Variants in SLC14A2 observed in about 807,000 individuals in gnomAD.
SLC14A2 encodes solute carrier family 14 member 2.
In SLC14A2, 91 loss-of-function variants were observed where a neutral mutation model predicts 104.6. The observed-to-expected ratio is 0.87, with a 90% CI of 0.73 to 1.04. The LOEUF (loss-of-function observed/expected upper bound fraction) is 1.04. SLC14A2 is among the 50% of genes least tolerant of loss of function. The probability of loss-of-function intolerance (pLI) is 0.00; values close to 1 mark genes in which losing one functional copy is unlikely to be tolerated. For synonymous variants in SLC14A2, 476 were observed against 466.4 expected, an observed-to-expected ratio of 1.02 and a Z score of -0.27; for missense variants, 1,189 against 1,156.0, an observed-to-expected ratio of 1.03 and a Z score of -0.41.
At chr18:45,473,279 G>C (rs2087287151) in intron 1 of SLC14A2, among the ~76,000 whole-genome samples, 1 of 152,184 alleles carries the variant, frequency 6.6e-6, no homozygotes, top group African/African-American at 2.4e-5. Context: ...GGTTACTGTA[G>C]CGTTGTAGTA....
At chr18:45,273,649 G>T (rs1048765651) in intron 1 of SLC14A2, among the ~76,000 whole-genome samples, 5 of 152,114 alleles carry the variant, frequency 3.3e-5, no homozygotes, top group Admixed American at 3.3e-4. Context: ...GAGTAATTGG[G>T]TGTGCAAATG....
chr18:45,652,715 T>C (rs1461493647), intron 10 of SLC14A2, among the ~76,000 whole-genome samples: 1 of 152,178 alleles, frequency 6.6e-6, no homozygotes, highest in Non-Finnish European at 1.5e-5. Flanking sequence ...CAAATTGATC[T>C]CTTGAAGAGC....
intron 2 of SLC14A2, among the ~76,000 whole-genome samples, chr18:45,547,329 G>A (rs572477038): frequency 6.6e-6 from 1 of 152,220 alleles, no homozygotes; most frequent in Non-Finnish European, 1.5e-5. Context: ...TTTAAAGCCT[G>A]ACATTGTGCC....
At chr18:45,544,339 T>C (rs1054129761) in intron 2 of SLC14A2, among the ~76,000 whole-genome samples, 4 of 152,218 alleles carry the variant, frequency 2.6e-5, no homozygotes, top group African/African-American at 9.6e-5. Flanking sequence ...TCCTGTTTGC[T>C]TTGTCAATTA....
At chr18:45,333,958 C>T (rs1396803860) in intron 1 of SLC14A2, among the ~76,000 whole-genome samples, 1 of 152,286 alleles carries the variant, frequency 6.6e-6, no homozygotes, top group East Asian at 1.9e-4. Context: ...ATATAGTTTA[C>T]TGTACATGGT....
At chr18:45,514,015 A>G (rs2043403096) in intron 2 of SLC14A2, among the ~76,000 whole-genome samples, 1 of 152,178 alleles carries the variant, frequency 6.6e-6, no homozygotes, top group Non-Finnish European at 1.5e-5. Flanking sequence ...TGCTAGTTTC[A>G]TCTCTGGAAC....
At chr18:45,202,139 A>G in the SLC14A2 span, among the ~76,000 whole-genome samples, 1 of 152,164 alleles carries the variant, frequency 6.6e-6, no homozygotes, top group African/African-American at 2.4e-5. Context: ...AGAAACTTAA[A>G]TGTTTATTGT....
chr18:45,264,446 G>A (rs1025331150), intron 1 of SLC14A2, among the ~76,000 whole-genome samples: 11 of 151,972 alleles, frequency 7.2e-5, no homozygotes, highest in East Asian at 5.8e-4. Flanking sequence ...GTATTTTTAC[G>A]TAGTTCGTTT....
chr18:45,567,803 T>C (rs1260046435), intron 2 of SLC14A2, among the ~76,000 whole-genome samples: 1 of 152,114 alleles, frequency 6.6e-6, no homozygotes, highest in Non-Finnish European at 1.5e-5. Context: ...GGAGGGCCTA[T>C]AAAATGATGT....
Position 45,627,027 on chromosome 18 carries a change from A to G in SLC14A2, c.401A>G (p.Asn134Ser), listed in dbSNP as rs765167173. The change falls in exon 4 of 20, where the codon AAT becomes AGT. Residue 134 changes from asparagine (N) to serine (S), a missense_variant. Physicochemically the swap from Asn to Ser is conservative, Grantham distance 46. Coordinates refer to ENST00000255226, the MANE Select transcript of SLC14A2 (RefSeq NM_007163.4). ...RGTAQVMFINNPLSGLIIFIG... is the reference protein window; with the variant it reads ...RGTAQVMFINSPLSGLIIFIG... ...ACCGCTCAGGTGATGTTCATCAACAATCCTCTCAGCGGCCTCATCATCTTC... is the reference window on the plus strand; with the variant it reads ...ACCGCTCAGGTGATGTTCATCAACAGTCCTCTCAGCGGCCTCATCATCTTC... 2.3e-5 allele frequency: 37 copies of G among 1,613,174 alleles called. No homozygotes were observed. In the East Asian group the frequency reaches 4.7e-4, roughly 20 times the overall value.
the SLC14A2 span, among the ~76,000 whole-genome samples, chr18:45,179,358 C>T: frequency 6.6e-6 from 1 of 152,180 alleles, no homozygotes; most frequent in Non-Finnish European, 1.5e-5. Context: ...TCTCCTCTCT[C>T]CCACCATGGC....
chr18:45,432,349 C>T (rs1228640715), intron 1 of SLC14A2, among the ~76,000 whole-genome samples: 6 of 152,116 alleles, frequency 3.9e-5, no homozygotes, highest in East Asian at 1.9e-4. Flanking sequence ...TTTGGGAATT[C>T]GCCATTATGA....
chr18:45,175,354 TAAAA>T, the SLC14A2 span, among the ~76,000 whole-genome samples: 1 of 150,662 alleles, frequency 6.6e-6, no homozygotes, highest in African/African-American at 2.4e-5. Flanking sequence ...TTTAAAAAGG[TAAAA>T]AAAAGTGTCA....
At chr18:45,643,326 G>A (rs970917466) in intron 9 of SLC14A2, 145 bp downstream of exon 9, 2 of 731,754 alleles carry the variant, frequency 2.7e-6, no homozygotes, top group Admixed American at 2.0e-5. Flanking sequence ...GTTTATCTAA[G>A]GTTGTCCGGA....
At chr18:45,587,452 G>A (rs573169705) in intron 2 of SLC14A2, among the ~76,000 whole-genome samples, 5 of 152,210 alleles carry the variant, frequency 3.3e-5, no homozygotes, top group African/African-American at 9.6e-5. Context: ...TTGGCCCTTC[G>A]ATTATGTCCT....
chr18:45,316,635 G>C (rs1220068814), intron 1 of SLC14A2, among the ~76,000 whole-genome samples: 3 of 152,174 alleles, frequency 2.0e-5, no homozygotes, highest in Non-Finnish European at 2.9e-5. Flanking sequence ...AAATTTACAA[G>C]TGTGAGAATT....
At chr18:45,415,647 A>G (rs748645387) in intron 1 of SLC14A2, among the ~76,000 whole-genome samples, 1 of 152,194 alleles carries the variant, frequency 6.6e-6, no homozygotes, top group Non-Finnish European at 1.5e-5. Context: ...CAGGGGGTCA[A>G]AAAGCCAGGT....
Position 45,668,611 on chromosome 18 carries a change from G to A in SLC14A2, c.2036+134G>A. ...GCTTGCACATCAGAAATGTCCACTG[G>A]ACTAATAACTAAGTTTATACCATGG... On this transcript the variant is annotated intron_variant, in intron 15 of 19. Coordinates refer to ENST00000255226, the MANE Select transcript of SLC14A2 (RefSeq NM_007163.4). 4.1e-6 allele frequency: 4 copies of A among 986,904 alleles called. No homozygotes were observed. In the South Asian group the frequency reaches 4.7e-5, roughly 12 times the overall value. The allele number at this position is 986,904 out of a possible 1,614,324, so 61.1% of individuals were successfully genotyped here. A position where few individuals can be genotyped will look rare whatever the true frequency, so the allele number is the denominator to read the frequency against.
At chr18:45,570,266 A>C (rs530808210) in intron 2 of SLC14A2, among the ~76,000 whole-genome samples, 5 of 152,272 alleles carry the variant, frequency 3.3e-5, no homozygotes, top group African/African-American at 1.2e-4. Flanking sequence ...TTGGCTCCAA[A>C]ATTCTATGAC....
Sources: gnomAD v4.1 joint callset for allele counts (sites outside exome capture counted in the v4.1 genomes callset) on GRCh38, gnomAD v4.1.1 for gene constraint, MANE v1.5 for transcripts, NCBI Gene and HGNC (gene_info 2026-07-23, HGNC 2026-07-21) for gene names.